Variants in UTP20 observed in about 807,000 individuals in gnomAD.
UTP20 encodes the protein small subunit processome component 20 homolog.
UTP20 carries 164 observed loss-of-function variants against 329.5 expected under a neutral mutation model. The observed-to-expected ratio is 0.50, with a 90% confidence interval of 0.44 to 0.57. The LOEUF (loss-of-function observed/expected upper bound fraction) is 0.57. UTP20 is among the 20% of genes least tolerant of loss of function. The pLI is 0.00. For synonymous variants in UTP20, 1,151 were observed against 1,159.3 expected, an observed-to-expected ratio of 0.99 and a Z score of 0.14; for missense variants, 3,055 against 3,284.2, an observed-to-expected ratio of 0.93 and a Z score of 1.71.
In UTP20 at chr12:101,366,765, G is replaced by A. The variant is rs1353401469; in HGVS notation, c.6267+66G>A. On this transcript the variant is annotated intron_variant, in intron 47 of 61. Transcript: ENST00000261637. The stretch of plus-strand genomic sequence containing the variant: ...AGTCTGCACCTTTTAGTCTTCTGTT[G>A]AATTTCTAGTACTGCTCACTTCCAT... 5.2e-6 allele frequency: 8 copies of A among 1,549,524 alleles called. No homozygotes were observed. In the Admixed American group the frequency reaches 7.5e-5, roughly 15 times the overall value.
At chr12:101,373,367 A>T in intron 52 of UTP20, 34 bp from the exon 53 acceptor site, 1 of 1,566,234 alleles carries the variant, frequency 6.4e-7, no homozygotes, top group Non-Finnish European at 8.8e-7. Flanking sequence ...AATTTAGAAG[A>T]TACTAACAAA....
chr12:101,307,555 T>A (rs1472770735), intron 17 of UTP20, among the ~76,000 whole-genome samples: 1 of 152,106 alleles, frequency 6.6e-6, no homozygotes, highest in Non-Finnish European at 1.5e-5. Flanking sequence ...TTTTGTATTG[T>A]TAGTAAAGAT....
At chr12:101,284,190 C>T (rs1245723259) in intron 2 of UTP20, among the ~76,000 whole-genome samples, 3 of 152,046 alleles carry the variant, frequency 2.0e-5, no homozygotes, top group Non-Finnish European at 4.4e-5. Context: ...GATCCTGTCA[C>T]CCAGGTAGTG....
chr12:101,367,509 C>T (rs1215520608), intron 47 of UTP20, among the ~76,000 whole-genome samples: 1 of 152,118 alleles, frequency 6.6e-6, no homozygotes, highest in Non-Finnish European at 1.5e-5. Context: ...TCAAAGCACC[C>T]TACCTGTACA....
At chr12:101,326,979 C>A in intron 25 of UTP20, 102 bp from the exon 26 acceptor site, 2 of 1,079,212 alleles carry the variant, frequency 1.9e-6, no homozygotes, top group Admixed American at 2.5e-5. Context: ...ATAATATATC[C>A]ATTTAAATCT....
chr12:101,348,477 ATTG>A (rs1328452542), intron 38 of UTP20, among the ~76,000 whole-genome samples: 3 of 152,158 alleles, frequency 2.0e-5, no homozygotes, highest in East Asian at 3.9e-4. Context: ...CACACAGTAC[ATTG>A]TTGTCATTTT....
At chr12:101,308,467 G>A (rs992014157) in intron 18 of UTP20, 124 bp downstream of exon 18, 1 of 574,712 alleles carries the variant, frequency 1.7e-6, no homozygotes, top group African/African-American at 2.0e-5. Flanking sequence ...AATAATAAGG[G>A]AAATCCCCAG....
rs781632334 is a variant in UTP20 at position 101,317,615 on chromosome 12, C to T, written c.2690C>T (p.Pro897Leu). 1.2e-6 allele frequency: 2 copies of T among 1,613,786 alleles called. No individual in the cohort carries two copies. Among genetic ancestry groups the T allele is most frequent in the Non-Finnish European group, 1.7e-6 (2 of 1,179,962 alleles). Reference sequence around the variant, plus strand: ...GAAGAGTTGGAGGAAGAGGCAGTGCCCCAAGATGAATCCTCACAGAAGAAA... The same window carrying T: ...GAAGAGTTGGAGGAAGAGGCAGTGCTCCAAGATGAATCCTCACAGAAGAAA... Reference protein sequence around the residue: ...DDEELEEEAVPQDESSQKKKT... With the variant: ...DDEELEEEAVLQDESSQKKKT... Residue 897 changes from proline to leucine, a missense_variant, in exon 22 of 62, where the codon CCC (proline) becomes CTC (leucine). By Grantham distance (98) the Pro-to-Leu change is moderately conservative (BLOSUM62 -3). This residue lies in a region of UTP20 where 2,445 missense variants were observed against 2,575.5 expected (regional missense o/e 0.95). Transcript: ENST00000261637.
intron 29 of UTP20, among the ~76,000 whole-genome samples, chr12:101,334,715 C>T (rs892838834): frequency 6.6e-6 from 1 of 152,198 alleles, no homozygotes; most frequent in Non-Finnish European, 1.5e-5. Context: ...CAGTGGCTCA[C>T]GCCTGTAATC....
In UTP20 at chr12:101,367,985, C is replaced by A. The variant is rs370434709; in HGVS notation, c.6384+9C>A. ...GCTCCATGGATGTGAAGGTAAGCAT[C>A]GGTTTGCACTCTGCATTGGAGCATT... On this transcript the variant is annotated intron_variant, in intron 48 of 61. Transcript: ENST00000261637. The A allele has an allele frequency of 2.6e-6, 4 of 1,557,590 alleles. No homozygotes were observed. The Admixed American group carries it at 5.0e-5, about 20-fold the overall frequency.
chr12:101,285,991 A>C, intron 4 of UTP20, 110 bp downstream of exon 4: 2 of 1,449,512 alleles, frequency 1.4e-6, no homozygotes, highest in East Asian at 4.6e-5. Context: ...ATTTAGAAAC[A>C]AGGAGGATTT....
At chr12:101,323,753 T>G (rs1246160584) in intron 25 of UTP20, among the ~76,000 whole-genome samples, 2 of 120,440 alleles carry the variant, frequency 1.7e-5, no homozygotes, top group Admixed American at 1.7e-4. Context: ...TGGAATTTAT[T>G]TTGATGTATG....
Position 101,361,650 on chromosome 12 carries a change from AATAAATAAATAAATAAATAAAT to A in UTP20, c.5692-310_5692-289del, listed in dbSNP as rs1322879935. Among the ~76,000 whole-genome samples, 6 of 123,702 alleles carry A rather than the reference AATAAATAAATAAATAAATAAAT, an allele frequency of 4.9e-5. No individual in the cohort carries two copies. In the Admixed American group the frequency reaches 5.4e-4, roughly 11 times the overall value. 81.2% of individuals were successfully genotyped at this position (123,702 alleles called of 152,430 possible). On this transcript the variant is annotated intron_variant, in intron 43 of 61. Transcript: ENST00000261637. Reference sequence around the variant, plus strand: ...TCAAAAATAAATAAATAAATAAATAAATAAATAAATAAATAAATAAATAAATAAAGTTCAAGACTCTTGTGCC... The same window carrying A: ...TCAAAAATAAATAAATAAATAAATAAAAATAAAGTTCAAGACTCTTGTGCC...
intron 58 of UTP20, among the ~76,000 whole-genome samples, chr12:101,381,553 C>T (rs183660008): frequency 6.6e-6 from 1 of 152,180 alleles, no homozygotes; most frequent in East Asian, 1.9e-4. Context: ...AAGAAGGGGC[C>T]TATTCTATCA....
rs1329795380 is a variant in UTP20 at position 101,300,065 on chromosome 12, A to G, written c.1675+4A>G. 4 of 1,613,412 alleles carry G rather than the reference A, an allele frequency of 2.5e-6. No homozygotes were observed. The South Asian group carries it at 4.4e-5, about 18-fold the overall frequency. On this transcript the variant is annotated splice_donor_region_variant and intron_variant, in intron 14 of 61. Coordinates refer to ENST00000261637, the MANE Select transcript of UTP20 (RefSeq NM_014503.3). The stretch of plus-strand genomic sequence containing the variant: ...GACAAAGGAAGCTTTGGGAAAGGTC[A>G]GTTACAATCATCATGTGTTCTCTTC...
intron 25 of UTP20, 156 bp from the exon 26 acceptor site, chr12:101,326,925 T>C (rs574908401): frequency 1.8e-5 from 14 of 787,636 alleles, no homozygotes; most frequent in Middle Eastern, 3.3e-4. Context: ...TTTTTCATTG[T>C]CTGTGTTAAA....
Position 101,312,022 on chromosome 12 carries a change from T to G in UTP20, c.2312-14T>G, listed in dbSNP as rs760044888. 1 of 1,613,796 alleles carries G rather than the reference T, an allele frequency of 6.2e-7. No individual in the cohort carries two copies. The highest frequency in any genetic ancestry group is 8.5e-7 in the Non-Finnish European group (1 of 1,179,834). The stretch of plus-strand genomic sequence containing the variant: ...ATATTTGTCTGGTGGTTATGACAAC[T>G]TTCTTTCTTGCAGAGAAGGAACTAC... On this transcript the variant is annotated splice_polypyrimidine_tract_variant and intron_variant, in intron 20 of 61. Transcript: ENST00000261637.
At chr12:101,351,474 C>G in intron 38 of UTP20, among the ~76,000 whole-genome samples, 1 of 151,246 alleles carries the variant, frequency 6.6e-6, no homozygotes, top group East Asian at 1.9e-4. Context: ...AAAGGTAAGT[C>G]CACTCTCTGT....
chr12:101,344,285 A>C (rs1176136259), intron 35 of UTP20, among the ~76,000 whole-genome samples: 1 of 152,226 alleles, frequency 6.6e-6, no homozygotes, highest in Non-Finnish European at 1.5e-5. Context: ...TGAATATTGA[A>C]AACTGGCTTT....
Sources: allele counts gnomAD v4.1 joint callset (sites outside exome capture counted in the v4.1 genomes callset), GRCh38; gene constraint gnomAD v4.1.1; regional missense constraint gnomAD v4.1.1; transcripts MANE v1.5; gene names NCBI Gene and HGNC (gene_info 2026-07-23, HGNC 2026-07-21).